Variants in GRM8 observed in about 807,000 individuals in gnomAD.
GRM8 encodes the protein glutamate metabotropic receptor 8, also known as metabotropic glutamate receptor 8.
In GRM8, 47 loss-of-function variants were observed where a neutral mutation model predicts 87.2. The observed-to-expected ratio is 0.54, with a 90% CI of 0.43 to 0.69. GRM8 has a LOEUF of 0.69. GRM8 is among the 30% of genes least tolerant of loss of function. The probability of loss-of-function intolerance (pLI) is 0.00; values close to 1 mark genes in which losing one functional copy is unlikely to be tolerated. For synonymous variants in GRM8, 396 were observed against 404.5 expected, an observed-to-expected ratio of 0.98 and a Z score of 0.25; for missense variants, 1,019 against 1,139.2, an observed-to-expected ratio of 0.89 and a Z score of 1.52.
chr7:127,025,814 G>A (rs907393615), intron 3 of GRM8, among the ~76,000 whole-genome samples: 4 of 151,914 alleles, frequency 2.6e-5, no homozygotes, highest in African/African-American at 7.2e-5. Context: ...AGCAACTAGA[G>A]CTACTTTAAT....
At chr7:126,878,516 CTTCTT>C (rs1406292874) in intron 6 of GRM8, among the ~76,000 whole-genome samples, 3 of 136,650 alleles carry the variant, frequency 2.2e-5, no homozygotes, top group African/African-American at 8.9e-5. Context: ...TCGTCGTCTT[CTTCTT>C]TTTTTTTTTT....
intron 1 of GRM8, among the ~76,000 whole-genome samples, chr7:127,251,399 C>T (rs982904717): frequency 3.6e-4 from 55 of 152,058 alleles, no homozygotes; most frequent in Non-Finnish European, 7.4e-4. Context: ...CAAGGGATAT[C>T]CGAGCTTTCT....
chr7:127,071,781 T>C (rs1177761677), intron 3 of GRM8, among the ~76,000 whole-genome samples: 1 of 152,216 alleles, frequency 6.6e-6, no homozygotes, highest in African/African-American at 2.4e-5. Context: ...ATCTTTTCTA[T>C]ATATACATAT....
rs1554483398 is a variant in GRM8 at position 126,763,470 on chromosome 7, TATAC to T, written c.1357+6391_1357+6394del. 7.2e-3 allele frequency among the ~76,000 whole-genome samples: 331 copies of T among 45,794 alleles called. 3 individuals carry two copies. Among genetic ancestry groups the T allele is most frequent in the African/African-American group, 0.013 (212 of 15,784 alleles). The allele number at this position is 45,794 out of a possible 152,430, so 30.0% of individuals were successfully genotyped here. A position where few individuals can be genotyped will look rare whatever the true frequency, so the allele number is the denominator to read the frequency against. ...ATATATATATATATATATATATATA[TATAC>T]ACACACACACACACACACACACAAT... On this transcript the variant is annotated intron_variant, in intron 7 of 10. Transcript: ENST00000339582.
intron 2 of GRM8, among the ~76,000 whole-genome samples, chr7:127,145,014 A>G (rs574881613): frequency 6.6e-6 from 1 of 152,172 alleles, no homozygotes; most frequent in Non-Finnish European, 1.5e-5. Context: ...CAAACATTTG[A>G]ACATAAAAGG....
At chr7:127,174,843 C>T (rs550180420) in intron 2 of GRM8, among the ~76,000 whole-genome samples, 8 of 152,276 alleles carry the variant, frequency 5.3e-5, no homozygotes, top group South Asian at 2.1e-4. Flanking sequence ...TTTTCCAGTA[C>T]GTAGGCTTCC....
At position 126,840,401 on chromosome 7, in the gene GRM8, C is replaced by T. The variant is rs1230482331; in HGVS notation, c.1156+62141G>A. On this transcript the variant is annotated intron_variant, in intron 6 of 10. Coordinates refer to ENST00000339582, the MANE Select transcript of GRM8 (RefSeq NM_000845.3). ...TTGTATTACAGTATTTCATAACTGA[C>T]TTTCATAGTATCCACTCTAAAATTT... Among the ~76,000 whole-genome samples, 3 of 152,136 alleles carry T rather than the reference C, an allele frequency of 2.0e-5. No homozygotes were observed. The East Asian group carries it at 5.8e-4, about 29-fold the overall frequency.
intron 8 of GRM8, among the ~76,000 whole-genome samples, chr7:126,544,659 G>A (rs899888175): frequency 6.6e-6 from 1 of 151,908 alleles, no homozygotes; most frequent in Non-Finnish European, 1.5e-5. Context: ...TAAGGTGCAC[G>A]CCACCACGCC....
chr7:126,560,133 A>G (rs1333485235), intron 8 of GRM8, among the ~76,000 whole-genome samples: 1 of 152,202 alleles, frequency 6.6e-6, no homozygotes, highest in Non-Finnish European at 1.5e-5. Flanking sequence ...CCGATTTTCT[A>G]TTTCAGATGA....
At chr7:127,107,203 AT>A (rs1350004135) in intron 2 of GRM8, among the ~76,000 whole-genome samples, 1 of 152,178 alleles carries the variant, frequency 6.6e-6, no homozygotes, top group Non-Finnish European at 1.5e-5. Flanking sequence ...TTAAGACTAT[AT>A]TTTTAGTAAA....
At chr7:126,825,614 G>C (rs1794690805) in intron 6 of GRM8, among the ~76,000 whole-genome samples, 1 of 151,990 alleles carries the variant, frequency 6.6e-6, no homozygotes, top group Non-Finnish European at 1.5e-5. Context: ...AGTGTTAAAG[G>C]ACTGGGTAAA....
chr7:126,654,942 C>A (rs1200804596), intron 7 of GRM8, among the ~76,000 whole-genome samples: 1 of 152,064 alleles, frequency 6.6e-6, no homozygotes, highest in African/African-American at 2.4e-5. Context: ...TGAAAAAATT[C>A]AGGAAGAGCC....
chr7:127,157,901 A>G (rs568085563), intron 2 of GRM8, among the ~76,000 whole-genome samples: 1 of 152,152 alleles, frequency 6.6e-6, no homozygotes, highest in Non-Finnish European at 1.5e-5. Context: ...AGGGAATTGG[A>G]GCAGTGATCA....
intron 6 of GRM8, among the ~76,000 whole-genome samples, chr7:126,824,312 T>C (rs1009594695): frequency 3.9e-5 from 6 of 152,162 alleles, no homozygotes; most frequent in Non-Finnish European, 8.8e-5. Flanking sequence ...AAAAAAAGTA[T>C]ATATTTTTAT....
At chr7:126,758,653 T>G (rs1257522148) in intron 7 of GRM8, among the ~76,000 whole-genome samples, 2 of 152,324 alleles carry the variant, frequency 1.3e-5, no homozygotes, top group South Asian at 4.1e-4. Flanking sequence ...GTTAAATGAA[T>G]GTTTTTGACA....
At chr7:127,111,590 C>T (rs1019547727) in intron 2 of GRM8, among the ~76,000 whole-genome samples, 8 of 152,196 alleles carry the variant, frequency 5.3e-5, no homozygotes, top group Admixed American at 1.3e-4. Flanking sequence ...TATGACCTAG[C>T]AATGGTGGAG....
chr7:126,690,002 G>C (rs777839208), intron 7 of GRM8, among the ~76,000 whole-genome samples: 4 of 152,188 alleles, frequency 2.6e-5, no homozygotes, highest in Admixed American at 1.3e-4. Context: ...TGACATAAAA[G>C]ATAAACTGTG....
At position 126,685,420 on chromosome 7, in the gene GRM8, C is replaced by T. The variant is rs1808064582; in HGVS notation, c.1358-75922G>A. The stretch of plus-strand genomic sequence containing the variant: ...TCTGAGTTAGCTGGGTGGGAGCTCC[C>T]TGGGTGCAGCTGCAGCTGCTCTGCC... On this transcript the variant is annotated intron_variant, in intron 7 of 10. Transcript: ENST00000339582. This position sits in a 1 kb window ranked among gnomAD's most constrained non-coding sequence, Gnocchi z 4.2. Among the ~76,000 whole-genome samples, 1 of 152,112 alleles carries T rather than the reference C, an allele frequency of 6.6e-6. No homozygotes were observed. Among genetic ancestry groups the T allele is most frequent in the Non-Finnish European group, 1.5e-5 (1 of 67,998 alleles).
intron 8 of GRM8, among the ~76,000 whole-genome samples, chr7:126,600,698 C>T (rs1056684145): frequency 1.3e-5 from 2 of 152,120 alleles, no homozygotes; most frequent in African/African-American, 4.8e-5. Context: ...AAAATTTAAT[C>T]ACCTTAACAC....
Sources: allele counts gnomAD v4.1 joint callset (sites outside exome capture counted in the v4.1 genomes callset), GRCh38; gene constraint gnomAD v4.1.1; non-coding constraint Gnocchi (gnomAD v3.1); transcripts MANE v1.5; gene names NCBI Gene and HGNC (gene_info 2026-07-23, HGNC 2026-07-21).